The following PHACTR2 variants were observed in gnomAD, a reference collection of about 807,000 sequenced individuals.
The protein encoded by PHACTR2 is phosphatase and actin regulator 2, also known as chromosome 6 open reading frame 56.
A neutral mutation model predicts 76.0 loss-of-function variants in PHACTR2; 30 were observed. That is an observed-to-expected ratio of 0.39 (90% CI 0.30 to 0.54). The LOEUF (loss-of-function observed/expected upper bound fraction) is 0.54, where lower values mean the gene tolerates loss of function less well. Ranked by LOEUF, PHACTR2 falls within the 20% of genes least tolerant of loss-of-function variation. The pLI is 0.61. For missense variants in PHACTR2, 696 were observed against 781.1 expected (o/e 0.89, Z 1.30); for synonymous variants, 292 against 292.5 (o/e 1.00, Z 0.02).
intron 2 of PHACTR2, among the ~76,000 whole-genome samples, chr6:143,724,081 G>C (rs1370960994): frequency 1.3e-5 from 2 of 151,758 alleles, no homozygotes; most frequent in African/African-American, 4.8e-5. Flanking sequence ...TCCTGCCTCA[G>C]CCTCCCGAGT....
At chr6:143,762,582 A>G (rs1284317922) in intron 5 of PHACTR2, among the ~76,000 whole-genome samples, 1 of 152,196 alleles carries the variant, frequency 6.6e-6, no homozygotes, top group African/African-American at 2.4e-5. Context: ...TCCATTTGTA[A>G]CCGTTTAGAA....
At chr6:143,577,549 A>G (rs1775528971) in intron 1 of PHACTR2, among the ~76,000 whole-genome samples, 1 of 152,210 alleles carries the variant, frequency 6.6e-6, no homozygotes, top group Non-Finnish European at 1.5e-5. Context: ...TGAGATGAGA[A>G]TGCCCCGTGT....
In PHACTR2 at chr6:143,672,287, C is replaced by CA. The variant is rs1013086766; in HGVS notation, c.14-39715dup. On this transcript the variant is annotated intron_variant, in intron 1 of 11. Coordinates refer to the PHACTR2 transcript ENST00000305766. This position sits in a 1 kb window ranked among gnomAD's most constrained non-coding sequence, Gnocchi z 5.8. ...GCAATATAGTGAGACCCTATCTCTA[C>CA]AAAAAAAAAAAAAATTACAAATAAT... 0.012 allele frequency among the ~76,000 whole-genome samples: 1,345 copies of CA among 116,430 alleles called. 11 individuals carry two copies. Among genetic ancestry groups the CA allele is most frequent in the African/African-American group, 0.023 (500 of 21,590 alleles). 76.4% of individuals were successfully genotyped at this position (116,430 alleles called of 152,430 possible). A position where few individuals can be genotyped will look rare whatever the true frequency, so the allele number is the denominator to read the frequency against.
chr6:143,733,212 T>C lies in PHACTR2; in HGVS notation c.215-15773T>C, dbSNP rs894841916. On this transcript the variant is annotated intron_variant, in intron 2 of 12. Transcript: ENST00000440869. This position sits in a 1 kb window ranked among gnomAD's most constrained non-coding sequence, Gnocchi z 4.0. ...ATGCCTAGCCTGATTCCTCCTCTTT[T>C]TCTACCTTACTTTTTTCATTTTCCA... is the stretch of plus-strand genomic sequence containing the variant. Among the ~76,000 whole-genome samples the C allele has an allele frequency of 2.4e-4, 37 of 152,198 alleles. No homozygotes were observed. The highest frequency in any genetic ancestry group is 1.0e-3 in the Admixed American group (16 of 15,276).
At position 143,750,684 on chromosome 6, in the gene PHACTR2, C is replaced by G. The variant is rs79618807; in HGVS notation, c.295+1619C>G. On this transcript the variant is annotated intron_variant, in intron 3 of 12. Transcript: ENST00000440869. This position sits in a 1 kb window ranked among gnomAD's most constrained non-coding sequence, Gnocchi z 4.6. The stretch of plus-strand genomic sequence containing the variant: ...TTTAAAGAAATGATTTTTATTCTGC[C>G]GAATCTGTGAAACTATTTGCCTCAT... 6.6e-6 allele frequency among the ~76,000 whole-genome samples: 1 copy of G among 152,070 alleles called. No individual in the cohort carries two copies. Among genetic ancestry groups the G allele is most frequent in the Non-Finnish European group, 1.5e-5 (1 of 68,018 alleles).
Position 143,624,208 on chromosome 6 carries a change from G to A in PHACTR2, c.13+15886G>A, listed in dbSNP as rs1268806097. 1.3e-5 allele frequency among the ~76,000 whole-genome samples: 2 copies of A among 152,108 alleles called. No individual in the cohort carries two copies. The highest frequency in any genetic ancestry group is 2.9e-5 in the Non-Finnish European group (2 of 68,040). The stretch of plus-strand genomic sequence containing the variant: ...TACAACCTCTGCCCCCTGGGTTGAA[G>A]CAATTCTCCTGCCTCAGCTTCCCGA... On this transcript the variant is annotated intron_variant, in intron 1 of 11. Transcript: ENST00000305766. This position sits in a 1 kb window ranked among gnomAD's most constrained non-coding sequence, Gnocchi z 4.6.
rs1252426930 is a variant in PHACTR2, at chr6:143,697,336, G to C, written c.47-14680G>C. 3.9e-5 allele frequency among the ~76,000 whole-genome samples: 6 copies of C among 152,156 alleles called. No individual in the cohort carries two copies. The highest frequency in any genetic ancestry group is 7.3e-5 in the Non-Finnish European group (5 of 68,030). ...TGGCTTCCCCAATTAGGAGAAAGAA[G>C]GTTAAGACTGAAGAAAAATCTGAGA... On this transcript the variant is annotated intron_variant, in intron 1 of 12. Transcript: ENST00000440869. The surrounding 1 kb of genome is among the most constrained non-coding windows in gnomAD (Gnocchi z 4.4).
chr6:143,791,359 G>A lies in PHACTR2; in HGVS notation c.1845+2449G>A, dbSNP rs564157126. 5.9e-5 allele frequency among the ~76,000 whole-genome samples: 9 copies of A among 152,246 alleles called. No individual in the cohort carries two copies. In the East Asian group the frequency reaches 1.5e-3, roughly 26 times the overall value. Reference sequence around the variant, plus strand: ...CTTACTTTCTGATACAAGCACTGAAGGTTAGAAATGACTCTGTGTGTCAGT... The same window carrying A: ...CTTACTTTCTGATACAAGCACTGAAAGTTAGAAATGACTCTGTGTGTCAGT... On this transcript the variant is annotated intron_variant, in intron 11 of 12. Transcript: ENST00000440869. This position sits in a 1 kb window ranked among gnomAD's most constrained non-coding sequence, Gnocchi z 4.7.
Position 143,788,887 on chromosome 6 carries a change from G to A in PHACTR2, c.1822G>A (p.Ala608Thr), listed in dbSNP as rs746258502. 1.1e-5 allele frequency: 17 copies of A among 1,612,576 alleles called. No homozygotes were observed. In the South Asian group the frequency reaches 1.9e-4, roughly 18 times the overall value. The change falls in exon 11 of 13, where the codon GCC (alanine) becomes ACC (threonine). Residue 608 changes from alanine to threonine, a missense_variant. By Grantham distance (58) the Ala-to-Thr change is moderately conservative. Around this residue, in one of 2 missense-constraint regions of PHACTR2, gnomAD observed 236 missense variants for 330.2 expected, o/e 0.71. Transcript: ENST00000440869. ...TGACCGCCGAGCAGACAAGCCCTGG[G>A]CCAGGTTAACACCTGCAGACAAGGC... ...DYDRRADKPW[A>T]RLTPADKAAI...
In PHACTR2 at chr6:143,556,694, C is replaced by A. The variant is rs1207358183; in HGVS notation, c.217+19487C>A. Among the ~76,000 whole-genome samples the A allele has an allele frequency of 6.6e-6, 1 of 152,164 alleles. No individual in the cohort carries two copies. Among genetic ancestry groups the A allele is most frequent in the Non-Finnish European group, 1.5e-5 (1 of 68,042 alleles). On this transcript the variant is annotated intron_variant, in intron 1 of 11. Coordinates refer to the PHACTR2 transcript ENST00000367584. The surrounding 1 kb of genome is among the most constrained non-coding windows in gnomAD (Gnocchi z 4.3). ...TATCAGATTTGAACCTCTCAGCTCA[C>A]AGGGTGCTAACTAGAGGAGAAGGAA...
In PHACTR2 at chr6:143,750,819, A is replaced by G. The variant is rs1165623494; in HGVS notation, c.295+1754A>G. Reference sequence around the variant, plus strand: ...AAGTTTTAAAACATAAAAGAACAAAACAATTTTTTAACCTAAGCATAATAT... The same window carrying G: ...AAGTTTTAAAACATAAAAGAACAAAGCAATTTTTTAACCTAAGCATAATAT... On this transcript the variant is annotated intron_variant, in intron 3 of 12. Transcript: ENST00000440869. This position sits in a 1 kb window ranked among gnomAD's most constrained non-coding sequence, Gnocchi z 4.6. Among the ~76,000 whole-genome samples the G allele has an allele frequency of 6.6e-6, 1 of 152,214 alleles. No individual in the cohort carries two copies. The highest frequency in any genetic ancestry group is 2.4e-5 in the African/African-American group (1 of 41,454).
upstream of PHACTR2, among the ~76,000 whole-genome samples, chr6:143,607,858 G>C (rs1473582280): frequency 6.6e-6 from 1 of 152,140 alleles, no homozygotes; most frequent in Non-Finnish European, 1.5e-5. Flanking sequence ...CAAACCCCAA[G>C]GAAAGGATAA....
In PHACTR2 at chr6:143,546,859, CAAA is replaced by C. The variant is rs10541081; in HGVS notation, c.217+9664_217+9666del. On this transcript the variant is annotated intron_variant, in intron 1 of 11. Coordinates refer to the PHACTR2 transcript ENST00000367584. The surrounding 1 kb of genome is among the most constrained non-coding windows in gnomAD (Gnocchi z 4.9). The stretch of plus-strand genomic sequence containing the variant: ...TGGGCAACATAGTGAGACCCCATCT[CAAA>C]AAAAAAAAAAATAAAAAATAAAAAA... 1.8e-3 allele frequency among the ~76,000 whole-genome samples: 249 copies of C among 140,190 alleles called. No homozygotes were observed. Among genetic ancestry groups the C allele is most frequent in the African/African-American group, 6.3e-3 (239 of 38,070 alleles). 92.0% of individuals were successfully genotyped at this position (140,190 alleles called of 152,430 possible). A position where few individuals can be genotyped will look rare whatever the true frequency, so the allele number is the denominator to read the frequency against.
At position 143,738,417 on chromosome 6, in the gene PHACTR2, A is replaced by G. The variant is rs932396235; in HGVS notation, c.215-10568A>G. Among the ~76,000 whole-genome samples, 2 of 152,070 alleles carry G rather than the reference A, an allele frequency of 1.3e-5. No homozygotes were observed. The highest frequency in any genetic ancestry group is 2.4e-5 in the African/African-American group (1 of 41,404). On this transcript the variant is annotated intron_variant, in intron 2 of 12. Transcript: ENST00000440869. The surrounding 1 kb of genome is among the most constrained non-coding windows in gnomAD (Gnocchi z 4.0). ...CCCCCTGAAAAGATCAACCTAAAAT[A>G]TAAAGAATTTCAGCCACCTTTACCC...
intron 1 of PHACTR2, among the ~76,000 whole-genome samples, chr6:143,693,029 A>G (rs1204859987): frequency 1.3e-5 from 2 of 152,278 alleles, no homozygotes; most frequent in East Asian, 3.9e-4. Context: ...CTCTGTGCCC[A>G]CACACATCTG....
At position 143,803,355 on chromosome 6, in the gene PHACTR2, C is replaced by T. The variant is rs747457190; in HGVS notation, c.1846-3702C>T. On this transcript the variant is annotated intron_variant, in intron 11 of 12. Transcript: ENST00000440869. This position sits in a 1 kb window ranked among gnomAD's most constrained non-coding sequence, Gnocchi z 4.7. ...TTGAGCCTAGGAGTTTGAGACCAGC[C>T]TGGCCAACATTGCGAAATCCATCTC... Among the ~76,000 whole-genome samples, 41 of 152,158 alleles carry T rather than the reference C, an allele frequency of 2.7e-4. No homozygotes were observed. The highest frequency in any genetic ancestry group is 1.3e-4 in the Non-Finnish European group (9 of 68,030).
rs1775150598 is a variant in PHACTR2 at position 143,554,909 on chromosome 6, T to C, written c.217+17702T>C. The C allele has an allele frequency of 6.6e-6, 1 of 152,200 alleles. No individual in the cohort carries two copies. The highest frequency in any genetic ancestry group is 1.5e-5 in the Non-Finnish European group (1 of 68,024). 9.4% of individuals were successfully genotyped at this position (152,200 alleles called of 1,614,324 possible). On this transcript the variant is annotated intron_variant, in intron 1 of 11. Coordinates refer to the PHACTR2 transcript ENST00000367584. The surrounding 1 kb of genome is among the most constrained non-coding windows in gnomAD (Gnocchi z 5.9). ...GTTCCTGTTGCATTATTTTCTTAAC[T>C]CTTGGTGTGTTGAGTTGATAAATAA...
rs563290830 is a variant in PHACTR2, at chr6:143,602,206, C to A, written c.217+64999C>A. 1.3e-5 allele frequency among the ~76,000 whole-genome samples: 2 copies of A among 152,336 alleles called. No individual in the cohort carries two copies. The highest frequency in any genetic ancestry group is 4.8e-5 in the African/African-American group (2 of 41,576). ...AGTCATCTCCACCTTGTCCCTCTAA[C>A]CTTCCCATCTAGTCAGGTTTTCTAA... On this transcript the variant is annotated intron_variant, in intron 1 of 11. Coordinates refer to the PHACTR2 transcript ENST00000367584. This position sits in a 1 kb window ranked among gnomAD's most constrained non-coding sequence, Gnocchi z 6.1.
At position 143,690,450 on chromosome 6, in the gene PHACTR2, A is replaced by T. The variant is rs1253695750; in HGVS notation, c.46+12241A>T. 2.6e-5 allele frequency among the ~76,000 whole-genome samples: 4 copies of T among 152,020 alleles called. No individual in the cohort carries two copies. In the South Asian group the frequency reaches 8.3e-4, roughly 32 times the overall value. ...CTATTTCCTTATTTTGGCAGAGCAC[A>T]CAGGGTGCTTCTTGAGAAAAGCTCA... is the stretch of plus-strand genomic sequence containing the variant. On this transcript the variant is annotated intron_variant, in intron 1 of 12. Coordinates refer to ENST00000440869, the MANE Select transcript of PHACTR2 (RefSeq NM_001100164.2).
Sources: gnomAD v4.1 joint callset for allele counts (sites outside exome capture counted in the v4.1 genomes callset) on GRCh38, gnomAD v4.1.1 for gene constraint, gnomAD v4.1.1 regional missense constraint, Gnocchi (gnomAD v3.1) non-coding constraint, MANE v1.5 for transcripts, NCBI Gene and HGNC (gene_info 2026-07-23, HGNC 2026-07-21) for gene names.